CCNJL: variants seen among roughly 807,000 people sequenced by gnomAD.
CCNJL encodes cyclin J like, also known as cyclin-J-like protein.
In CCNJL, 33 loss-of-function variants were observed where a neutral mutation model predicts 33.4. The ratio of observed to expected loss-of-function variants is 0.99; its 90% CI spans 0.75 to 1.32. CCNJL has a LOEUF of 1.32. CCNJL is among the 40% of genes most tolerant of loss of function. The pLI is 0.00. For synonymous variants in CCNJL, 227 were observed against 220.9 expected, an observed-to-expected ratio of 1.03 and a Z score of -0.24; for missense variants, 512 against 499.7, an observed-to-expected ratio of 1.02 and a Z score of -0.23.
At chr5:160,311,254 GCCTC>G (rs1763252741) in intron 2 of CCNJL, among the ~76,000 whole-genome samples, 1 of 151,920 alleles carries the variant, frequency 6.6e-6, no homozygotes, top group African/African-American at 2.4e-5. Flanking sequence ...TCTTCCCTCA[GCCTC>G]CCTGTTTTGT....
At chr5:160,297,775 A>G (rs1762796231) in intron 2 of CCNJL, among the ~76,000 whole-genome samples, 1 of 152,236 alleles carries the variant, frequency 6.6e-6, no homozygotes, top group African/African-American at 2.4e-5. Flanking sequence ...AAAGAATGAC[A>G]GGACAAATGT....
intron 5 of CCNJL, 75 bp downstream of exon 5, chr5:160,255,474 C>G: frequency 1.4e-6 from 2 of 1,417,690 alleles, no homozygotes; most frequent in Non-Finnish European, 9.8e-7. Context: ...GGAAACTGCC[C>G]GTGGCCTGAG....
At chr5:160,258,587 A>G (rs1338203633) in intron 4 of CCNJL, 31 of 1,444,834 alleles carry the variant, frequency 2.1e-5, no homozygotes, top group African/African-American at 5.6e-5. Context: ...GCAAAGAGGT[A>G]ATCATGTAGT....
upstream of CCNJL, among the ~76,000 whole-genome samples, chr5:160,313,580 T>C (rs1456973483): frequency 2.0e-5 from 3 of 152,192 alleles, 1 homozygote; most frequent in East Asian, 1.9e-4. Context: ...TAAGCTTCAA[T>C]TGGACCTTGA....
At chr5:160,307,034 CCACA>C (rs1345161693) in intron 2 of CCNJL, among the ~76,000 whole-genome samples, 2 of 152,210 alleles carry the variant, frequency 1.3e-5, no homozygotes, top group Admixed American at 6.5e-5. Context: ...AATGCTGTGC[CCACA>C]CACACAAAGA....
intron 1 of CCNJL, chr5:160,326,811 G>A: frequency 1.2e-6 from 1 of 826,426 alleles, no homozygotes; most frequent in South Asian, 1.3e-5. Context: ...ATGAGCAAGT[G>A]AATATGCGGA....
rs979252487 is a variant in CCNJL, at chr5:160,280,796, C to G, written c.67-58G>C. The G allele has an allele frequency of 1.0e-5, 12 of 1,200,862 alleles. No homozygotes were observed. The Admixed American group carries it at 2.2e-4, about 22-fold the overall frequency. The allele number at this position is 1,200,862 out of a possible 1,614,324, so 74.4% of individuals were successfully genotyped here. ...CAGGGCTGCCTCCTGAGAGTCTCGG[C>G]TGTCCCAGGAAATGGGACCTCAGGG... On this transcript the variant is annotated intron_variant, in intron 2 of 5. Coordinates refer to ENST00000257536, the MANE Select transcript of CCNJL (RefSeq NM_001308173.3).
upstream of CCNJL, among the ~76,000 whole-genome samples, chr5:160,316,574 C>T (rs1420398943): frequency 6.6e-6 from 1 of 152,218 alleles, no homozygotes; most frequent in Non-Finnish European, 1.5e-5. Flanking sequence ...TGTACACGTT[C>T]TCCCTCTGGT....
At chr5:160,335,280 T>G (rs111289751) in intron 1 of CCNJL, among the ~76,000 whole-genome samples, 1 of 152,178 alleles carries the variant, frequency 6.6e-6, no homozygotes, top group Admixed American at 6.5e-5. Flanking sequence ...AATTACATTT[T>G]AATATATCTG....
At position 160,305,447 on chromosome 5, in the gene CCNJL, C is replaced by T. The variant is rs535012003; in HGVS notation, c.66+6411G>A. On this transcript the variant is annotated intron_variant, in intron 2 of 5. Coordinates refer to ENST00000257536, the MANE Select transcript of CCNJL (RefSeq NM_001308173.3). ...ACACACAGGTGAGGTCCAGGCATGG[C>T]CACTCACCAGGGCCAAATAAAGGCG... Among the ~76,000 whole-genome samples, 330 of 152,280 alleles carry T rather than the reference C, an allele frequency of 2.2e-3. 1 individual carries two copies. The highest frequency in any genetic ancestry group is 3.9e-3 in the Non-Finnish European group (268 of 68,012).
chr5:160,291,676 T>TAAA (rs1245791553), intron 2 of CCNJL, among the ~76,000 whole-genome samples: 1 of 152,320 alleles, frequency 6.6e-6, no homozygotes, highest in African/African-American at 2.4e-5. Context: ...TCAATGATTC[T>TAAA]AAACCTAGAG....
At chr5:160,329,309 A>AAGGGGCTC (rs1233649819) in intron 1 of CCNJL, among the ~76,000 whole-genome samples, 2 of 151,920 alleles carry the variant, frequency 1.3e-5, no homozygotes, top group Non-Finnish European at 2.9e-5. Flanking sequence ...AACCAACCCA[A>AAGGGGCTC]AGGGGCTCAT....
chr5:160,269,495 C>T (rs1228033849), intron 3 of CCNJL: 1 of 456,420 alleles, frequency 2.2e-6, no homozygotes, highest in Non-Finnish European at 4.4e-6. Flanking sequence ...TCTGACGGCA[C>T]TGCTGCGCTG....
intron 2 of CCNJL, among the ~76,000 whole-genome samples, chr5:160,284,037 T>C (rs958345359): frequency 6.6e-6 from 1 of 152,150 alleles, no homozygotes; most frequent in African/African-American, 2.4e-5. Context: ...GACATTTAGG[T>C]TGCTTGACTG....
intron 1 of CCNJL, among the ~76,000 whole-genome samples, chr5:160,320,992 TTCTTTCTCTCTC>T (rs1763446369): frequency 1.3e-5 from 1 of 77,882 alleles, no homozygotes; most frequent in African/African-American, 6.6e-5. Flanking sequence ...CTCTCTTTCT[TTCTTTCTCTCTC>T]TCTCTCTCTC....
chr5:160,287,809 AG>A (rs1762457622), intron 2 of CCNJL, among the ~76,000 whole-genome samples: 2 of 152,242 alleles, frequency 1.3e-5, no homozygotes, highest in African/African-American at 4.8e-5. Flanking sequence ...CTGGCCAGGC[AG>A]GGTGACCTTC....
At chr5:160,299,210 C>T (rs148549691) in intron 2 of CCNJL, among the ~76,000 whole-genome samples, 3 of 152,102 alleles carry the variant, frequency 2.0e-5, no homozygotes, top group East Asian at 1.9e-4. Flanking sequence ...AGCACAATGG[C>T]GTGACCTCGG....
intron 4 of CCNJL, 98 bp downstream of exon 4, chr5:160,259,371 C>G: frequency 9.2e-7 from 1 of 1,084,630 alleles, no homozygotes; most frequent in Non-Finnish European, 1.3e-6. Flanking sequence ...AGTGAGAAGG[C>G]CTGATCTGGA....
chr5:160,297,993 A>G (rs1049064329), intron 2 of CCNJL, among the ~76,000 whole-genome samples: 2 of 152,150 alleles, frequency 1.3e-5, no homozygotes, highest in Admixed American at 6.5e-5. Context: ...TCCATGTTAT[A>G]CCATCACCAA....
Sources: gnomAD v4.1 joint callset for allele counts (sites outside exome capture counted in the v4.1 genomes callset) on GRCh38, gnomAD v4.1.1 for gene constraint, MANE v1.5 for transcripts, NCBI Gene and HGNC (gene_info 2026-07-23, HGNC 2026-07-21) for gene names.